The following SEC24B variants were observed in gnomAD, a reference collection of about 807,000 sequenced individuals.
SEC24B encodes protein transport protein Sec24B.
Under a neutral mutation model 142.8 loss-of-function variants are expected in SEC24B, and 45 were observed. The observed-to-expected ratio is 0.32, with a 90% CI of 0.25 to 0.40. SEC24B has a LOEUF of 0.40. Ranked by LOEUF, SEC24B falls within the 10% of genes least tolerant of loss-of-function variation. SEC24B has a pLI of 1.00. For synonymous variants in SEC24B, 574 were observed against 568.2 expected, an observed-to-expected ratio of 1.01 and a Z score of -0.15; for missense variants, 1,409 against 1,526.8, an observed-to-expected ratio of 0.92 and a Z score of 1.29.
chr4:109,470,968 G>A (rs1479970970), intron 2 of SEC24B, among the ~76,000 whole-genome samples: 2 of 152,064 alleles, frequency 1.3e-5, no homozygotes, highest in Non-Finnish European at 2.9e-5. Flanking sequence ...GAGGGGGCAG[G>A]GGAATGCCTT....
chr4:109,504,224 A>G (rs1736463712), intron 6 of SEC24B, among the ~76,000 whole-genome samples: 1 of 152,210 alleles, frequency 6.6e-6, no homozygotes, highest in African/African-American at 2.4e-5. Flanking sequence ...CCACAATACT[A>G]CTATCATAGC....
At chr4:109,496,949 C>G (rs1419481651) in intron 6 of SEC24B, among the ~76,000 whole-genome samples, 1 of 152,164 alleles carries the variant, frequency 6.6e-6, no homozygotes, top group Non-Finnish European at 1.5e-5. Context: ...AGGATTGATT[C>G]TTGGGAGTGT....
intron 4 of SEC24B, among the ~76,000 whole-genome samples, chr4:109,485,780 A>G (rs1299301567): frequency 1.3e-5 from 2 of 152,236 alleles, no homozygotes; most frequent in African/African-American, 2.4e-5. Flanking sequence ...AGTGTCTAAT[A>G]AAGTAGCGAT....
In SEC24B at chr4:109,477,106, C is replaced by A. The variant is rs1733245798; in HGVS notation, c.1060+3920C>A. On this transcript the variant is annotated intron_variant, in intron 3 of 23. Coordinates refer to ENST00000265175, the MANE Select transcript of SEC24B (RefSeq NM_006323.5). ...GAGCCGAGATCCCGCCACTGCACTC[C>A]AGCCTGGGCGACAGAGCGAGACTCC... is the stretch of plus-strand genomic sequence containing the variant. 2.1e-5 allele frequency among the ~76,000 whole-genome samples: 3 copies of A among 142,928 alleles called. No homozygotes were observed. In the South Asian group the frequency reaches 6.6e-4, roughly 31 times the overall value. The allele number at this position is 142,928 out of a possible 152,430, so 93.8% of individuals were successfully genotyped here.
intron 14 of SEC24B, among the ~76,000 whole-genome samples, chr4:109,522,891 AT>A (rs978760791): frequency 5.3e-5 from 8 of 152,102 alleles, no homozygotes; most frequent in East Asian, 1.9e-4. Flanking sequence ...TGTCTTCAGT[AT>A]TTTTTTCTTT....
At chr4:109,473,967 G>A (rs1011396781) in intron 3 of SEC24B, among the ~76,000 whole-genome samples, 1 of 152,164 alleles carries the variant, frequency 6.6e-6, no homozygotes, top group African/African-American at 2.4e-5. Flanking sequence ...AGCTCCTAAC[G>A]TTGAGTGTGA....
chr4:109,539,144 T>C (rs532136977), intron 23 of SEC24B, among the ~76,000 whole-genome samples: 1 of 152,220 alleles, frequency 6.6e-6, no homozygotes, highest in South Asian at 2.1e-4. Flanking sequence ...GTATTTTTAG[T>C]AGAGACAGGG....
At chr4:109,459,447 TACTG>T (rs1160250127) in intron 1 of SEC24B, among the ~76,000 whole-genome samples, 2 of 152,214 alleles carry the variant, frequency 1.3e-5, no homozygotes, top group Non-Finnish European at 2.9e-5. Flanking sequence ...AATTTAAAAA[TACTG>T]AATACATGTT....
Position 109,512,093 on chromosome 4 carries a change from A to G in SEC24B, c.1903+10A>G. 1.9e-6 allele frequency: 3 copies of G among 1,594,024 alleles called. No individual in the cohort carries two copies. The highest frequency in any genetic ancestry group is 2.6e-6 in the Non-Finnish European group (3 of 1,173,818). On this transcript the variant is annotated intron_variant, in intron 9 of 23. Transcript: ENST00000265175. ...TATAGAGTAAACGATGGTGAGTTTT[A>G]GATTCTTAATTGTGTTTTAATCCTA...
intron 3 of SEC24B, 70 bp from the exon 4 acceptor site, chr4:109,481,607 C>A: frequency 9.7e-7 from 1 of 1,035,496 alleles, no homozygotes; most frequent in Non-Finnish European, 1.4e-6. Context: ...ACTTTTAATG[C>A]AATGTCAAAT....
Position 109,494,819 on chromosome 4 carries a change from G to C in SEC24B, c.1451G>C (p.Ser484Thr), listed in dbSNP as rs200206047. 148 of 1,613,948 alleles carry C rather than the reference G, an allele frequency of 9.2e-5. No homozygotes were observed. The highest frequency in any genetic ancestry group is 1.2e-4 in the Non-Finnish European group (140 of 1,179,920). Residue 484 changes from serine (S) to threonine (T), a missense_variant, in exon 6 of 24, where the codon AGT becomes ACT. Coordinates refer to ENST00000265175, the MANE Select transcript of SEC24B (RefSeq NM_006323.5). ...CCACTTATTTCTGGAGTACAGCCCA[G>C]TAACCCGGTATATTCTGGATTCCAG... ...TAPLISGVQP[S>T]NPVYSGFQQY...
At chr4:109,491,279 G>C in intron 4 of SEC24B, 48 bp from the exon 5 acceptor site, 1 of 1,447,516 alleles carries the variant, frequency 6.9e-7, no homozygotes. Context: ...GCTGCTTTAA[G>C]ATACTTTGTC....
intron 7 of SEC24B, among the ~76,000 whole-genome samples, chr4:109,509,153 C>A (rs1453891340): frequency 2.0e-5 from 3 of 152,068 alleles, no homozygotes; most frequent in African/African-American, 7.2e-5. Context: ...CACATGACTT[C>A]TCTGGGAATA....
chr4:109,536,928 T>C (rs1272570941), intron 22 of SEC24B, among the ~76,000 whole-genome samples: 1 of 152,066 alleles, frequency 6.6e-6, no homozygotes, highest in Non-Finnish European at 1.5e-5. Flanking sequence ...AAAACATTTA[T>C]ATTTGGTAAC....
intron 4 of SEC24B, among the ~76,000 whole-genome samples, chr4:109,485,157 G>C (rs1734220144): frequency 6.6e-6 from 1 of 152,152 alleles, no homozygotes; most frequent in African/African-American, 2.4e-5. Context: ...TGTTTGTAAA[G>C]AGCTTAGAAC....
At position 109,524,864 on chromosome 4, in the gene SEC24B, C is replaced by A; in HGVS notation, c.2555C>A (p.Ala852Glu). The stretch of plus-strand genomic sequence containing the variant: ...GCAACTGATTTTTATAAGAAACTTG[C>A]ATTAGATTGCTCGGGACAGCAAACT... ...GPATDFYKKL[A>E]LDCSGQQTAV... Residue 852 changes from alanine to glutamate, a missense_variant, in exon 15 of 24, where the codon GCA becomes GAA. Ala to Glu is a moderately radical substitution (Grantham distance 107, BLOSUM62 -1). This residue lies in a region of SEC24B where 700 missense variants were observed against 853.3 expected (regional missense o/e 0.82). Transcript: ENST00000265175. 1 of 1,612,272 alleles carries A rather than the reference C, an allele frequency of 6.2e-7. No homozygotes were observed. The highest frequency in any genetic ancestry group is 8.5e-7 in the Non-Finnish European group (1 of 1,178,934).
At chr4:109,448,945 T>TA (rs1729763131) in intron 1 of SEC24B, among the ~76,000 whole-genome samples, 1 of 151,768 alleles carries the variant, frequency 6.6e-6, no homozygotes, top group Admixed American at 6.5e-5. Flanking sequence ...TTTTTTTTTT[T>TA]TTCCAATGAC....
At chr4:109,453,836 C>T (rs1730388931) in intron 1 of SEC24B, among the ~76,000 whole-genome samples, 4 of 152,146 alleles carry the variant, frequency 2.6e-5, no homozygotes. Context: ...GTCACGGCTT[C>T]AGCAGGTCCT....
intron 6 of SEC24B, among the ~76,000 whole-genome samples, chr4:109,498,334 TA>T (rs915068480): frequency 6.6e-6 from 1 of 152,224 alleles, no homozygotes; most frequent in African/African-American, 2.4e-5. Flanking sequence ...CATCGAAGAT[TA>T]AAATTATCAA....
Sources: allele counts gnomAD v4.1 joint callset (sites outside exome capture counted in the v4.1 genomes callset), GRCh38; gene constraint gnomAD v4.1.1; regional missense constraint gnomAD v4.1.1; transcripts MANE v1.5; gene names NCBI Gene and HGNC (gene_info 2026-07-23, HGNC 2026-07-21).